The following KCNH1 variants were observed in gnomAD, a reference collection of about 807,000 sequenced individuals.
KCNH1 encodes voltage-gated delayed rectifier potassium channel KCNH1.
In KCNH1, 27 loss-of-function variants were observed where a neutral mutation model predicts 69.2. The ratio of observed to expected loss-of-function variants is 0.39; its 90% CI spans 0.29 to 0.54. The LOEUF (loss-of-function observed/expected upper bound fraction) is 0.54. Ranked by LOEUF, KCNH1 falls within the 20% of genes least tolerant of loss-of-function variation. The pLI is 0.68. For missense variants in KCNH1, 798 were observed against 1,261.6 expected (o/e 0.63, Z 5.57); for synonymous variants, 456 against 487.7 (o/e 0.93, Z 0.86).
chr1:210,860,872 C>G, intron 7 of KCNH1: 1 of 918,460 alleles, frequency 1.1e-6, no homozygotes, highest in Non-Finnish European at 1.8e-6. Flanking sequence ...TCTCATGTAG[C>G]CTAGTTCACT....
At chr1:210,786,990 A>C (rs1165764857) in intron 9 of KCNH1, among the ~76,000 whole-genome samples, 1 of 151,968 alleles carries the variant, frequency 6.6e-6, no homozygotes, top group Non-Finnish European at 1.5e-5. Context: ...CATTCTCCAC[A>C]CAGCTGCCAG....
At chr1:210,848,837 C>T (rs757175872) in intron 7 of KCNH1, among the ~76,000 whole-genome samples, 7 of 152,124 alleles carry the variant, frequency 4.6e-5, no homozygotes, top group Non-Finnish European at 1.0e-4. Flanking sequence ...CTCAAATAAA[C>T]TACAGATTCC....
chr1:210,985,103 C>T (rs12067778), intron 6 of KCNH1, among the ~76,000 whole-genome samples: 7,352 of 151,990 alleles, frequency 0.048, 563 homozygotes, highest in African/African-American at 0.17. Flanking sequence ...GATGGTAGTT[C>T]GTATTTCTGT....
intron 6 of KCNH1, among the ~76,000 whole-genome samples, chr1:211,013,574 G>A (rs1486143192): frequency 2.0e-5 from 3 of 152,208 alleles, no homozygotes; most frequent in East Asian, 3.8e-4. Flanking sequence ...AGCATGACCC[G>A]CAGGAGAAAG....
intron 10 of KCNH1, among the ~76,000 whole-genome samples, chr1:210,687,748 G>A (rs1184199033): frequency 6.6e-6 from 1 of 152,198 alleles, no homozygotes; most frequent in Non-Finnish European, 1.5e-5. Context: ...CCATGACCAC[G>A]CATTTTGCCA....
intron 5 of KCNH1, among the ~76,000 whole-genome samples, chr1:211,053,927 A>G (rs2102443175): frequency 6.6e-6 from 1 of 152,326 alleles, no homozygotes; most frequent in South Asian, 2.1e-4. Flanking sequence ...TTATTTTTGA[A>G]GAACAGGAAG....
intron 5 of KCNH1, among the ~76,000 whole-genome samples, chr1:211,049,025 C>T (rs1690144146): frequency 6.6e-6 from 1 of 151,492 alleles, no homozygotes; most frequent in South Asian, 2.1e-4. Flanking sequence ...TGATAAAGTT[C>T]ATTTATTTGA....
chr1:210,995,054 T>C (rs891614866), intron 6 of KCNH1, among the ~76,000 whole-genome samples: 1 of 152,198 alleles, frequency 6.6e-6, no homozygotes, highest in East Asian at 1.9e-4. Context: ...CCATTCCTTC[T>C]TGCTAAAGAA....
At chr1:211,118,179 C>A (rs1691618026) in intron 1 of KCNH1, among the ~76,000 whole-genome samples, 1 of 152,052 alleles carries the variant, frequency 6.6e-6, no homozygotes, top group African/African-American at 2.4e-5. Flanking sequence ...GGGGAAAATG[C>A]CTAAATGTGT....
At chr1:211,092,827 C>CGT in intron 3 of KCNH1, among the ~76,000 whole-genome samples, 1 of 146,098 alleles carries the variant, frequency 6.8e-6, no homozygotes, top group East Asian at 2.0e-4. Flanking sequence ...CAAAAAAAAC[C>CGT]TTTTTTTTTT....
intron 8 of KCNH1, among the ~76,000 whole-genome samples, chr1:210,802,293 G>A (rs1684445579): frequency 1.3e-5 from 2 of 152,208 alleles, no homozygotes; most frequent in South Asian, 4.1e-4. Context: ...ACTCTCAACT[G>A]ACAATTCTAA....
At chr1:210,985,455 C>T (rs944471470) in intron 6 of KCNH1, among the ~76,000 whole-genome samples, 13 of 152,038 alleles carry the variant, frequency 8.6e-5, no homozygotes, top group Admixed American at 3.3e-4. Flanking sequence ...CTGCTTTGAA[C>T]GTGTTCCAGA....
At chr1:210,816,006 A>C (rs561497393) in intron 7 of KCNH1, among the ~76,000 whole-genome samples, 1 of 152,186 alleles carries the variant, frequency 6.6e-6, no homozygotes, top group South Asian at 2.1e-4. Flanking sequence ...TTTGGAAATA[A>C]GTCACTTTCT....
chr1:211,059,197 T>C (rs926889123), intron 5 of KCNH1, among the ~76,000 whole-genome samples: 1 of 150,396 alleles, frequency 6.6e-6, no homozygotes, highest in Non-Finnish European at 1.5e-5. Flanking sequence ...GGAGAATCAT[T>C]TGAACCTGGG....
intron 6 of KCNH1, among the ~76,000 whole-genome samples, chr1:210,952,533 G>T (rs1688084143): frequency 6.6e-6 from 1 of 152,096 alleles, no homozygotes; most frequent in African/African-American, 2.4e-5. Context: ...AACATACAGA[G>T]CTCTGAGCTA....
At chr1:210,837,539 A>C (rs1685310459) in intron 7 of KCNH1, among the ~76,000 whole-genome samples, 1 of 152,168 alleles carries the variant, frequency 6.6e-6, no homozygotes, top group Non-Finnish European at 1.5e-5. Flanking sequence ...AAAGGGGAAA[A>C]ATGTTAAAAC....
chr1:210,895,594 C>T (rs1686847777), intron 7 of KCNH1, among the ~76,000 whole-genome samples: 1 of 152,118 alleles, frequency 6.6e-6, no homozygotes. Flanking sequence ...AGTACCATGT[C>T]TCCCCTTGGC....
intron 10 of KCNH1, among the ~76,000 whole-genome samples, chr1:210,757,470 A>G (rs1340206847): frequency 1.3e-5 from 2 of 152,150 alleles, no homozygotes; most frequent in Non-Finnish European, 2.9e-5. Flanking sequence ...CATGGTTATC[A>G]TATTCCCACT....
chr1:210,848,972 C>A (rs892995209), intron 7 of KCNH1, among the ~76,000 whole-genome samples: 37 of 152,006 alleles, frequency 2.4e-4, no homozygotes, highest in African/African-American at 8.5e-4. Flanking sequence ...CAACTAATTA[C>A]AATTCAAGGC....
Sources: allele counts gnomAD v4.1 joint callset (sites outside exome capture counted in the v4.1 genomes callset), GRCh38; gene constraint gnomAD v4.1.1; transcripts MANE v1.5; gene names NCBI Gene and HGNC (gene_info 2026-07-23, HGNC 2026-07-21).